TAF4B: variants seen among roughly 807,000 people sequenced by gnomAD.
TAF4B encodes transcription initiation factor TFIID subunit 4B.
In TAF4B, 38 loss-of-function variants were observed where a neutral mutation model predicts 86.4. The ratio of observed to expected loss-of-function variants is 0.44; its 90% CI spans 0.34 to 0.58. TAF4B has a LOEUF of 0.58. Ranked by LOEUF, TAF4B falls within the 20% of genes least tolerant of loss-of-function variation. The pLI, the probability that TAF4B is intolerant of heterozygous loss-of-function variation, is 0.02. For synonymous variants in TAF4B, 388 were observed against 391.2 expected (o/e 0.99, Z 0.10); for missense variants, 988 against 1,027.6 (o/e 0.96, Z 0.53).
chr18:26,242,691 A>G (rs986839027), intron 1 of TAF4B, among the ~76,000 whole-genome samples: 6 of 152,170 alleles, frequency 3.9e-5, no homozygotes, highest in Non-Finnish European at 7.3e-5. Flanking sequence ...GATGGTCTTT[A>G]CAATTTGGCA....
At chr18:26,327,522 C>A (rs1466557712) in intron 12 of TAF4B, among the ~76,000 whole-genome samples, 6 of 152,082 alleles carry the variant, frequency 3.9e-5, no homozygotes, top group African/African-American at 1.4e-4. Flanking sequence ...TTTTGTGGAA[C>A]AAAATACAGG....
At chr18:26,323,875 T>C (rs2056982815) in intron 11 of TAF4B, among the ~76,000 whole-genome samples, 1 of 152,244 alleles carries the variant, frequency 6.6e-6, no homozygotes, top group Non-Finnish European at 1.5e-5. Context: ...TTCATTCTGC[T>C]AGTCTCTTTG....
rs1368801576 is a variant in TAF4B, at chr18:26,307,904, G to T, written c.1833-7325G>T. On this transcript the variant is annotated intron_variant, in intron 9 of 14. Transcript: ENST00000269142. ...TTGGGAAGATCACCTGAGGTCAGGA[G>T]TTCGAGACCAGCCTGACCAACGTGG... Among the ~76,000 whole-genome samples the T allele has an allele frequency of 2.6e-5, 4 of 152,112 alleles. No homozygotes were observed. The East Asian group carries it at 5.8e-4, about 22-fold the overall frequency.
At chr18:26,342,401 A>G (rs2057143883) in intron 13 of TAF4B, among the ~76,000 whole-genome samples, 1 of 152,220 alleles carries the variant, frequency 6.6e-6, no homozygotes, top group Non-Finnish European at 1.5e-5. Flanking sequence ...GCTGTTAGCT[A>G]ATATGAAACT....
chr18:26,285,227 T>TGTTTTTGTTTTTG (rs1555677499), intron 6 of TAF4B, among the ~76,000 whole-genome samples: 2 of 125,108 alleles, frequency 1.6e-5, no homozygotes, highest in Non-Finnish European at 3.5e-5. Flanking sequence ...TTTTTGTTTT[T>TGTTTTTGTTTTTG]TTTTTTTTTG....
intron 14 of TAF4B, among the ~76,000 whole-genome samples, chr18:26,373,166 G>A (rs181198389): frequency 2.4e-4 from 37 of 152,216 alleles, no homozygotes; most frequent in South Asian, 1.0e-3. Context: ...AGAGAGACAC[G>A]TTTGGATTTT....
intron 1 of TAF4B, among the ~76,000 whole-genome samples, chr18:26,230,659 G>C (rs1443100580): frequency 1.3e-5 from 2 of 152,150 alleles, no homozygotes; most frequent in Non-Finnish European, 2.9e-5. Flanking sequence ...CCTGTTACGT[G>C]TTTCCATTTG....
intron 1 of TAF4B, among the ~76,000 whole-genome samples, chr18:26,264,571 T>C (rs2056213006): frequency 6.6e-6 from 1 of 152,232 alleles, no homozygotes; most frequent in Non-Finnish European, 1.5e-5. Context: ...GAGCTACTTG[T>C]GGCTATAGCA....
intron 14 of TAF4B, among the ~76,000 whole-genome samples, chr18:26,362,244 G>A (rs764029285): frequency 1.4e-4 from 22 of 152,112 alleles, no homozygotes; most frequent in Non-Finnish European, 4.4e-5. Context: ...TGGGCATATT[G>A]CCTGTCTTAT....
At chr18:26,279,827 C>T (rs1307886450) in intron 5 of TAF4B, among the ~76,000 whole-genome samples, 1 of 152,056 alleles carries the variant, frequency 6.6e-6, no homozygotes, top group Non-Finnish European at 1.5e-5. Context: ...GGATCGCTTG[C>T]AGTCAGGAGA....
In TAF4B at chr18:26,286,262, A is replaced by G. The variant is rs1244646848; in HGVS notation, c.1353A>G (p.Gln451=). 6.2e-7 allele frequency: 1 copy of G among 1,614,248 alleles called. No homozygotes were observed. The highest frequency in any genetic ancestry group is 1.6e-4 in the Middle Eastern group (1 of 6,062). The stretch of plus-strand genomic sequence containing the variant: ...ACACAGTGACCACGGTCTCACTGCA[A>G]CCTGAAAAGCCAGTTGTCTCTGGAA... The part of the protein sequence containing the change: ...VANTVTTVSL[Q]PEKPVVSGTA... Residue 451 remains glutamine, a synonymous_variant, in exon 7 of 15, where the codon CAA becomes CAG. Coordinates refer to ENST00000269142, the MANE Select transcript of TAF4B (RefSeq NM_005640.3).
At chr18:26,287,464 A>G (rs1183282980) in intron 7 of TAF4B, among the ~76,000 whole-genome samples, 1 of 152,138 alleles carries the variant, frequency 6.6e-6, no homozygotes, top group Non-Finnish European at 1.5e-5. Context: ...GAAAGAAGGA[A>G]ATTTTAGCTG....
At chr18:26,361,418 T>A (rs1307180067) in intron 14 of TAF4B, among the ~76,000 whole-genome samples, 10 of 151,400 alleles carry the variant, frequency 6.6e-5, no homozygotes, top group Non-Finnish European at 1.3e-4. Context: ...AGCCACACTC[T>A]TGGCCCCAAA....
At chr18:26,347,839 TA>T (rs1336578698) in intron 13 of TAF4B, among the ~76,000 whole-genome samples, 3 of 152,114 alleles carry the variant, frequency 2.0e-5, no homozygotes, top group African/African-American at 7.2e-5. Flanking sequence ...CATTATACAA[TA>T]AGGGATTAAT....
In TAF4B at chr18:26,227,220, T is replaced by C. The variant is rs200194030; in HGVS notation, c.287T>C (p.Val96Ala). ...PRLPAPQIVAVKAPNTTTIQF... is the reference protein window; with the variant it reads ...PRLPAPQIVAAKAPNTTTIQF... Reference sequence around the variant, plus strand: ...CTGCCTGCTCCTCAGATAGTCGCCGTGAAAGCCCCCAACACCACGACAATC... The same window carrying C: ...CTGCCTGCTCCTCAGATAGTCGCCGCGAAAGCCCCCAACACCACGACAATC... The change falls in exon 1 of 15, where the codon GTG (valine) becomes GCG (alanine). Residue 96 changes from valine to alanine, a missense_variant. By Grantham distance (64) the Val-to-Ala change is moderately conservative (BLOSUM62 0). Around this residue, in one of 3 missense-constraint regions of TAF4B, gnomAD observed 747 missense variants for 737.9 expected, o/e 1.01. Coordinates refer to ENST00000269142, the MANE Select transcript of TAF4B (RefSeq NM_005640.3). 75 of 1,613,940 alleles carry C rather than the reference T, an allele frequency of 4.6e-5. 1 individual carries two copies. In the African/African-American group the frequency reaches 9.5e-4, roughly 20 times the overall value.
At chr18:26,305,839 A>G (rs943764268) in intron 9 of TAF4B, among the ~76,000 whole-genome samples, 3 of 152,204 alleles carry the variant, frequency 2.0e-5, no homozygotes, top group African/African-American at 7.2e-5. Context: ...TAGAATCAGC[A>G]TGGCAGTTCC....
chr18:26,231,034 C>CT (rs536863843), intron 1 of TAF4B, among the ~76,000 whole-genome samples: 4,501 of 65,966 alleles, frequency 0.068, 288 homozygotes, highest in African/African-American at 0.18. Flanking sequence ...TGTTGTTTTG[C>CT]TTTTTTTTTT....
In TAF4B at chr18:26,367,059, A is replaced by G. The variant is rs137893761; in HGVS notation, c.2421+9265A>G. Among the ~76,000 whole-genome samples, 987 of 152,306 alleles carry G rather than the reference A, an allele frequency of 6.5e-3. 34 individuals carry two copies. Among genetic ancestry groups the G allele is most frequent in the Admixed American group, 0.058 (887 of 15,304 alleles). ...TCCAAAGAAATGTGTGCTTTTAAGT[A>G]CTCTAATAGGATCATCCTAAAAGCA... On this transcript the variant is annotated intron_variant, in intron 14 of 14. Transcript: ENST00000269142.
chr18:26,268,069 C>G (rs968427881), intron 3 of TAF4B, among the ~76,000 whole-genome samples: 9 of 152,140 alleles, frequency 5.9e-5, no homozygotes, highest in Admixed American at 5.2e-4. Context: ...TTGGCTGGGC[C>G]TTAATTCCTA....
Sources: allele counts gnomAD v4.1 joint callset (sites outside exome capture counted in the v4.1 genomes callset), GRCh38; gene constraint gnomAD v4.1.1; regional missense constraint gnomAD v4.1.1; transcripts MANE v1.5; gene names NCBI Gene and HGNC (gene_info 2026-07-23, HGNC 2026-07-21).